Variants in CRISPLD1 observed in about 807,000 individuals in gnomAD.
CRISPLD1 encodes the protein cysteine-rich secretory protein LCCL domain-containing 1.
CRISPLD1 carries 60 observed loss-of-function variants against 77.5 expected under a neutral mutation model. That is an observed-to-expected ratio of 0.77 (90% CI 0.63 to 0.96). The LOEUF is 0.96. Among genes scored for constraint, CRISPLD1 ranks in the 40% least tolerant of loss-of-function variants. The pLI is 0.00. For synonymous variants in CRISPLD1, 195 were observed against 200.1 expected (o/e 0.97, Z 0.22); for missense variants, 623 against 615.8 (o/e 1.01, Z -0.12).
At chr8:75,003,284 CAA>C (rs1331369952) in intron 2 of CRISPLD1, among the ~76,000 whole-genome samples, 5 of 152,148 alleles carry the variant, frequency 3.3e-5, no homozygotes, top group African/African-American at 1.2e-4. Context: ...GTTTGGATGT[CAA>C]ATTGTAGATT....
intron 2 of CRISPLD1, among the ~76,000 whole-genome samples, chr8:75,006,975 T>C (rs186872238): frequency 2.6e-5 from 4 of 152,312 alleles, no homozygotes; most frequent in Admixed American, 2.6e-4. Flanking sequence ...CATTAGATCT[T>C]CTTTGTGAAA....
intron 2 of CRISPLD1, among the ~76,000 whole-genome samples, chr8:75,006,058 A>G (rs1812825404): frequency 6.6e-6 from 1 of 152,086 alleles, no homozygotes; most frequent in Admixed American, 6.6e-5. Flanking sequence ...GTGATTTTTC[A>G]TTCCTTATCC....
intron 2 of CRISPLD1, among the ~76,000 whole-genome samples, chr8:75,003,498 G>C (rs1173729806): frequency 1.3e-5 from 2 of 152,110 alleles, no homozygotes; most frequent in Non-Finnish European, 2.9e-5. Flanking sequence ...AGTACATACT[G>C]TAGAGGGATT....
At chr8:74,986,639 T>C (rs1397925477) in intron 2 of CRISPLD1, among the ~76,000 whole-genome samples, 1 of 152,220 alleles carries the variant, frequency 6.6e-6, no homozygotes, top group African/African-American at 2.4e-5. Context: ...GGAAGAAACT[T>C]TCTGGATTGC....
chr8:75,028,168 G>T (rs1047913187), intron 13 of CRISPLD1, among the ~76,000 whole-genome samples: 1 of 152,108 alleles, frequency 6.6e-6, no homozygotes, highest in African/African-American at 2.4e-5. Flanking sequence ...AATTCAATGG[G>T]ACTTTAAGTG....
At chr8:74,993,012 A>G (rs537344130) in intron 2 of CRISPLD1, among the ~76,000 whole-genome samples, 2 of 151,838 alleles carry the variant, frequency 1.3e-5, no homozygotes, top group South Asian at 4.2e-4. Flanking sequence ...CTAATCTGGA[A>G]TATGCAAAAG....
chr8:74,994,650 G>A (rs544722853), intron 2 of CRISPLD1, among the ~76,000 whole-genome samples: 17 of 152,182 alleles, frequency 1.1e-4, no homozygotes, highest in African/African-American at 4.1e-4. Flanking sequence ...CTCTCAAAAC[G>A]CAATCTGCTT....
chr8:75,014,781 A>G (rs757288314), intron 5 of CRISPLD1, 31 bp from the exon 6 acceptor site: 1 of 1,412,636 alleles, frequency 7.1e-7, no homozygotes, highest in Non-Finnish European at 9.9e-7. Context: ...CCATTAGACT[A>G]CTTTTTAATA....
At position 75,016,629 on chromosome 8, in the gene CRISPLD1, A is replaced by G; in HGVS notation, c.792A>G (p.Ser264=). The G allele has an allele frequency of 3.1e-6, 5 of 1,613,670 alleles. No homozygotes were observed. Among genetic ancestry groups the G allele is most frequent in the Non-Finnish European group, 4.2e-6 (5 of 1,179,656 alleles). ...EETNEIERQQ[S]QVHDTHVRTR... is the part of the protein sequence containing the mutation. ...CAAATGAAATAGAACGACAGCAGTC[A>G]CAAGTCCATGACACCCATGTCCGGA... is the stretch of plus-strand genomic sequence containing the variant. Residue 264 remains serine (S), a synonymous_variant, in exon 7 of 15, where the codon TCA becomes TCG. Coordinates refer to ENST00000262207, the MANE Select transcript of CRISPLD1 (RefSeq NM_031461.6).
intron 2 of CRISPLD1, among the ~76,000 whole-genome samples, chr8:74,989,096 G>T (rs1476540992): frequency 6.6e-6 from 1 of 152,036 alleles, no homozygotes; most frequent in Non-Finnish European, 1.5e-5. Context: ...AAGAGTTGGG[G>T]GTATACATCA....
In CRISPLD1 at chr8:75,017,387, T is replaced by C. The variant is rs1320312163; in HGVS notation, c.1064T>C (p.Ile355Thr). 3 of 1,611,194 alleles carry C rather than the reference T, an allele frequency of 1.9e-6. No homozygotes were observed. The highest frequency in any genetic ancestry group is 2.5e-6 in the Non-Finnish European group (3 of 1,178,408). Residue 355 changes from isoleucine (I) to threonine (T), a missense_variant, in exon 10 of 15, where the codon ATC becomes ACC. Physicochemically the swap from Ile to Thr is moderately conservative, Grantham distance 89. Transcript: ENST00000262207. ...IIDNDGGWVD[I>T]TRQGRKHYFI... ...GACAATGATGGTGGCTGGGTAGATATCACTAGACAAGGAAGAAAGCATTAT... is the reference window on the plus strand; with the variant it reads ...GACAATGATGGTGGCTGGGTAGATACCACTAGACAAGGAAGAAAGCATTAT...
At chr8:75,030,755 T>C (rs1813323960) in intron 14 of CRISPLD1, among the ~76,000 whole-genome samples, 1 of 135,022 alleles carries the variant, frequency 7.4e-6, no homozygotes, top group Non-Finnish European at 1.7e-5. Context: ...TGTGTGTATA[T>C]ATGTGTGTAT....
At chr8:74,996,127 A>T (rs1297357544) in intron 2 of CRISPLD1, among the ~76,000 whole-genome samples, 1 of 151,542 alleles carries the variant, frequency 6.6e-6, no homozygotes, top group African/African-American at 2.4e-5. Context: ...TGCATATGTA[A>T]TACATGTATA....
At chr8:75,003,001 CTGAT>C (rs1218263678) in intron 2 of CRISPLD1, among the ~76,000 whole-genome samples, 1 of 152,134 alleles carries the variant, frequency 6.6e-6, no homozygotes, top group Non-Finnish European at 1.5e-5. Flanking sequence ...GTCTAAAAAT[CTGAT>C]TGAGAATGCT....
At chr8:74,990,656 A>G (rs1812558420) in intron 2 of CRISPLD1, among the ~76,000 whole-genome samples, 1 of 152,002 alleles carries the variant, frequency 6.6e-6, no homozygotes, top group Non-Finnish European at 1.5e-5. Flanking sequence ...GCACACTGCA[A>G]GTGTCAAAAC....
intron 2 of CRISPLD1, among the ~76,000 whole-genome samples, chr8:75,001,718 T>G (rs1327491576): frequency 6.6e-6 from 1 of 151,274 alleles, no homozygotes; most frequent in Admixed American, 6.7e-5. Context: ...GTGAATTGAT[T>G]TAAGCCTCAA....
chr8:75,023,060 G>A (rs137863668), intron 12 of CRISPLD1, among the ~76,000 whole-genome samples: 293 of 143,828 alleles, frequency 2.0e-3, no homozygotes, highest in African/African-American at 7.3e-3. Flanking sequence ...AAAGTTTACC[G>A]GCAAATTGTA....
rs1813105241 is a variant in CRISPLD1, at chr8:75,020,055, A to T, written c.1220A>T (p.His407Leu). The T allele has an allele frequency of 1.2e-6, 2 of 1,613,980 alleles. No homozygotes were observed. Among genetic ancestry groups the T allele is most frequent in the Admixed American group, 1.7e-5 (1 of 60,000 alleles). Residue 407 changes from histidine to leucine, a missense_variant, in exon 12 of 15, where the codon CAT becomes CTT. Transcript: ENST00000262207. ...ACTGTGGAACAGCTCTGTCCATTTC[A>T]TAAGCCTGCTTCACATTGCCCAAGG... ...ETTVEQLCPF[H>L]KPASHCPRVY... is the part of the protein sequence containing the mutation.
intron 2 of CRISPLD1, among the ~76,000 whole-genome samples, chr8:74,995,458 TCTC>T (rs1440297628): frequency 6.6e-6 from 1 of 152,158 alleles, no homozygotes; most frequent in Admixed American, 6.5e-5. Context: ...ACATGCAACA[TCTC>T]CTGTGGGTCA....
Sources: gnomAD v4.1 joint callset for allele counts (sites outside exome capture counted in the v4.1 genomes callset) on GRCh38, gnomAD v4.1.1 for gene constraint, MANE v1.5 for transcripts, NCBI Gene and HGNC (gene_info 2026-07-23, HGNC 2026-07-21) for gene names.